Variants in NEB observed in about 807,000 individuals in gnomAD.
NEB encodes nebulin.
Under a neutral mutation model 952.2 loss-of-function variants are expected in NEB, and 512 were observed. The ratio of observed to expected loss-of-function variants is 0.54; its 90% CI spans 0.50 to 0.58. The LOEUF is 0.58. Among genes scored for constraint, NEB ranks in the 20% least tolerant of loss-of-function variants. NEB has a pLI of 0.00. For synonymous variants in NEB, 2,900 were observed against 3,149.8 expected (o/e 0.92, Z 2.66); for missense variants, 8,428 against 9,231.1 (o/e 0.91, Z 3.56).
intron 172 of NEB, 127 bp from the exon 173 acceptor site, chr2:151,496,495 C>G: frequency 6.9e-7 from 1 of 1,450,854 alleles, no homozygotes; most frequent in Non-Finnish European, 9.2e-7. Flanking sequence ...AAGTTATATG[C>G]TGACAAAATG....
intron 110 of NEB, 22 bp from the exon 111 acceptor site, chr2:151,568,738 TTAGA>T: frequency 6.6e-7 from 1 of 1,513,810 alleles, no homozygotes; most frequent in Non-Finnish European, 9.0e-7. Flanking sequence ...AAAGCATCTT[TTAGA>T]TAGTTGTAAT....
At chr2:151,696,537 A>C in intron 17 of NEB, 100 bp downstream of exon 17, 1 of 881,228 alleles carries the variant, frequency 1.1e-6, no homozygotes, top group Non-Finnish European at 1.8e-6. Context: ...ATACTTACTT[A>C]GCCTTTTGAA....
At chr2:151,698,638 T>TA (rs2099617170) in intron 13 of NEB, among the ~76,000 whole-genome samples, 1 of 146,148 alleles carries the variant, frequency 6.8e-6, no homozygotes, top group Admixed American at 6.8e-5. Flanking sequence ...TTCATTAATT[T>TA]TTTTTTTTTT....
At position 151,492,117 on chromosome 2, in the gene NEB, T is replaced by G. The variant is rs184319249; in HGVS notation, c.25038A>C (p.Gln8346His). The change falls in exon 178 of 182, where the codon CAA becomes CAC. Residue 8346 changes from glutamine to histidine, a missense_variant. Physicochemically the swap from Gln to His is conservative, Grantham distance 24 (BLOSUM62 0). This residue lies in a region of NEB where 3,374 missense variants were observed against 3,651.5 expected (regional missense o/e 0.92). Transcript: ENST00000397345. ...VVEMEQKRND[Q>H]DQETITGLRV... ...AGTTACCTGTAATAGTCTCCTGATC[T>G]TGGTCATTCCGTTTTTGTTCCATTT... 1 of 1,613,986 alleles carries G rather than the reference T, an allele frequency of 6.2e-7. No homozygotes were observed. The highest frequency in any genetic ancestry group is 8.5e-7 in the Non-Finnish European group (1 of 1,179,858).
chr2:151,578,858 G>A (rs1434705328), intron 105 of NEB, among the ~76,000 whole-genome samples: 1 of 151,916 alleles, frequency 6.6e-6, no homozygotes, highest in African/African-American at 2.4e-5. Flanking sequence ...GAGACGGGTG[G>A]ATCACCTGCG....
chr2:151,702,040 C>A (rs1370584481), intron 13 of NEB, among the ~76,000 whole-genome samples: 1 of 148,912 alleles, frequency 6.7e-6, no homozygotes, highest in Non-Finnish European at 1.5e-5. Context: ...GCTTTGAATG[C>A]GTCCCAGAGA....
intron 117 of NEB, 45 bp downstream of exon 117, chr2:151,564,999 C>T: frequency 8.5e-7 from 1 of 1,175,562 alleles, no homozygotes; most frequent in Non-Finnish European, 1.2e-6. Flanking sequence ...GCAACAAGAG[C>T]TTCAAATTAG....
In NEB at chr2:151,562,764, A is replaced by G. The variant is rs1048795026; in HGVS notation, c.18738T>C (p.His6246=). The G allele has an allele frequency of 1.3e-6, 2 of 1,594,428 alleles. No homozygotes were observed. The highest frequency in any genetic ancestry group is 8.6e-7 in the Non-Finnish European group (1 of 1,169,448). Residue 6246 remains histidine (H), a synonymous_variant, in exon 120 of 182, where the codon CAT becomes CAC. Transcript: ENST00000397345. The stretch of plus-strand genomic sequence containing the variant: ...CGTGATTCATCATGTCATTGGGGAT[A>G]TGAACATTTGCTTTGGTATCCTCAT... ...KHYEDTKANV[H]IPNDMMNHVL... is the part of the protein sequence containing the mutation.
At chr2:151,555,917 A>G (rs2095623041) in intron 124 of NEB, among the ~76,000 whole-genome samples, 1 of 151,932 alleles carries the variant, frequency 6.6e-6, no homozygotes, top group Non-Finnish European at 1.5e-5. Flanking sequence ...TTTTCCTAAA[A>G]TAAGGTCAGA....
Position 151,543,840 on chromosome 2 carries a change from CTTAGGTATGCATTGCTT to C in NEB, c.20577+2031_20577+2047del, listed in dbSNP as rs570905221. ...CACTGTGTATTATATTTCCCCTGTA[CTTAGGTATGCATTGCTT>C]ATGCTTCTTGGGACAACGTCCCTGC... is the stretch of plus-strand genomic sequence containing the variant. On this transcript the variant is annotated intron_variant, in intron 135 of 181. Transcript: ENST00000397345. Among the ~76,000 whole-genome samples, 30 of 152,298 alleles carry C rather than the reference CTTAGGTATGCATTGCTT, an allele frequency of 2.0e-4. No homozygotes were observed. In the South Asian group the frequency reaches 6.0e-3, roughly 31 times the overall value.
intron 161 of NEB, among the ~76,000 whole-genome samples, chr2:151,509,151 C>A (rs867959278): frequency 6.6e-6 from 1 of 152,124 alleles, no homozygotes. Context: ...TGTAATCTTG[C>A]CAGAGACAAC....
At chr2:151,624,479 C>A (rs2154046158) in intron 71 of NEB, among the ~76,000 whole-genome samples, 1 of 152,140 alleles carries the variant, frequency 6.6e-6, no homozygotes, top group South Asian at 2.1e-4. Context: ...GCTCTGTGGC[C>A]AAGAGAAAAT....
chr2:151,536,642 T>A (rs1254313711), intron 141 of NEB, among the ~76,000 whole-genome samples: 2 of 152,172 alleles, frequency 1.3e-5, no homozygotes, highest in Non-Finnish European at 2.9e-5. Flanking sequence ...CCATAACATC[T>A]TCTTAGATGT....
chr2:151,687,980 A>G (rs1282569537), intron 25 of NEB, among the ~76,000 whole-genome samples: 1 of 152,208 alleles, frequency 6.6e-6, no homozygotes, highest in Non-Finnish European at 1.5e-5. Flanking sequence ...CCTGATTTAC[A>G]TAAGGATGCT....
At chr2:151,530,395 T>A (rs988719424) in intron 145 of NEB, among the ~76,000 whole-genome samples, 1 of 152,080 alleles carries the variant, frequency 6.6e-6, no homozygotes, top group African/African-American at 2.4e-5. Flanking sequence ...AGGGCCTCGA[T>A]CTGGGCTTTT....
Position 151,503,393 on chromosome 2 carries a change from G to C in NEB, c.23791C>G (p.Pro7931Ala), listed in dbSNP as rs776141744. Residue 7931 changes from proline (P) to alanine (A), a missense_variant, in exon 166 of 182, where the codon CCA (proline) becomes GCA (alanine). Around this residue, in one of 11 missense-constraint regions of NEB, gnomAD observed 3,374 missense variants for 3,651.5 expected, o/e 0.92. Transcript: ENST00000397345. ...LGTGIPTTVT[P>A]EIERVKRNQE... ...TTGCGTTTGACTCTCTCAATCTCTG[G>C]AGTCACAGTGGTTGGAATGCCTGTT... is the stretch of plus-strand genomic sequence containing the variant. 1.2e-6 allele frequency: 2 copies of C among 1,612,834 alleles called. No individual in the cohort carries two copies. The highest frequency in any genetic ancestry group is 1.7e-6 in the Non-Finnish European group (2 of 1,179,106).
intron 105 of NEB, among the ~76,000 whole-genome samples, chr2:151,578,734 G>GGAAGGAAGGAGA (rs2096988379): frequency 6.7e-6 from 1 of 148,490 alleles, no homozygotes; most frequent in African/African-American, 2.5e-5. Context: ...AGGGAAGGAA[G>GGAAGGAAGGAGA]GAAGGAAGGA....
Position 151,540,400 on chromosome 2 carries a change from C to T in NEB, c.20836G>A (p.Val6946Ile), listed in dbSNP as rs1200784362. ...CTGATGAGGATTGGCGTATCTGGAA[C>T]CGGAGTGTACTTGTCTTTCATCTTT... ...YEKMKDKYTPVPDTPILIRAK... is the reference protein window; with the variant it reads ...YEKMKDKYTPIPDTPILIRAK... Residue 6946 changes from valine (V) to isoleucine (I), a missense_variant, in exon 138 of 182, where the codon GTT becomes ATT. By Grantham distance (29) the Val-to-Ile change is conservative. Coordinates refer to ENST00000397345, the MANE Select transcript of NEB (RefSeq NM_001164508.2). The T allele has an allele frequency of 3.2e-6, 5 of 1,583,902 alleles. No individual in the cohort carries two copies. The highest frequency in any genetic ancestry group is 2.7e-5 in the African/African-American group (2 of 74,670).
intron 161 of NEB, among the ~76,000 whole-genome samples, chr2:151,508,437 C>T (rs1156418520): frequency 3.3e-5 from 5 of 152,204 alleles, no homozygotes; most frequent in Non-Finnish European, 7.4e-5. Flanking sequence ...ATGGGGATGC[C>T]TCCAGTGGCA....
Sources: gnomAD v4.1 joint callset for allele counts (sites outside exome capture counted in the v4.1 genomes callset) on GRCh38, gnomAD v4.1.1 for gene constraint, gnomAD v4.1.1 regional missense constraint, MANE v1.5 for transcripts, NCBI Gene and HGNC (gene_info 2026-07-23, HGNC 2026-07-21) for gene names.